DLGAP1: variants seen among roughly 807,000 people sequenced by gnomAD.
DLGAP1 encodes disks large-associated protein 1.
DLGAP1 carries 11 observed loss-of-function variants against 90.8 expected under a neutral mutation model. That is an observed-to-expected ratio of 0.12 (90% confidence interval 0.08 to 0.20). The LOEUF (loss-of-function observed/expected upper bound fraction) is 0.20, where lower values mean the gene tolerates loss of function less well. Ranked by LOEUF, DLGAP1 falls within the 10% of genes least tolerant of loss-of-function variation. The pLI, the probability that DLGAP1 is intolerant of heterozygous loss-of-function variation, is 1.00. For missense variants in DLGAP1, 1,050 were observed against 1,333.8 expected (o/e 0.79, Z 3.31); for synonymous variants, 558 against 540.7 (o/e 1.03, Z -0.44).
At chr18:3,557,819 C>G (rs889671996) in intron 9 of DLGAP1, among the ~76,000 whole-genome samples, 4 of 151,828 alleles carry the variant, frequency 2.6e-5, no homozygotes, top group Admixed American at 2.0e-4. Context: ...CACAGCTACT[C>G]GGAAGGCTGA....
chr18:3,567,360 T>C, intron 9 of DLGAP1, 130 bp downstream of exon 9: 1 of 726,974 alleles, frequency 1.4e-6, no homozygotes, highest in South Asian at 1.8e-5. Flanking sequence ...TTGATTCAAC[T>C]TCACCCTTTA....
chr18:4,178,489 A>C (rs1002650148), intron 1 of DLGAP1, among the ~76,000 whole-genome samples: 6 of 152,180 alleles, frequency 3.9e-5, no homozygotes, highest in Middle Eastern at 3.2e-3. Context: ...GTCAGACACT[A>C]AACCTTATTT....
chr18:3,946,874 T>C (rs1033108406), intron 3 of DLGAP1, among the ~76,000 whole-genome samples: 1 of 152,232 alleles, frequency 6.6e-6, no homozygotes, highest in East Asian at 1.9e-4. Context: ...TCTCATTTCA[T>C]TTAAACCTTG....
rs2049818549 is a variant in DLGAP1 at position 3,499,537 on chromosome 18, T to C, written c.2725-143A>G. ...TCTGCACACTGCATATCTACTTTTT[T>C]CTTCATTATTCTGGCTTGGGCATTC... On this transcript the variant is annotated intron_variant, in intron 12 of 12. Coordinates refer to ENST00000315677, the MANE Select transcript of DLGAP1 (RefSeq NM_004746.4). The surrounding 1 kb of genome is among the most constrained non-coding windows in gnomAD (Gnocchi z 6.4). 7.4e-6 allele frequency: 6 copies of C among 811,844 alleles called. No homozygotes were observed. The East Asian group carries it at 1.9e-4, about 25-fold the overall frequency. 50.3% of individuals were successfully genotyped at this position (811,844 alleles called of 1,614,324 possible).
At position 4,374,830 on chromosome 18, in the gene DLGAP1, G is replaced by GA. The variant is rs537415871; in HGVS notation, c.-267+80175dup. Among the ~76,000 whole-genome samples the GA allele has an allele frequency of 3.9e-5, 6 of 152,024 alleles. No homozygotes were observed. The East Asian group carries it at 9.7e-4, about 24-fold the overall frequency. ...TTCAACATTGACCATATTAGGGAGT[G>GA]AAAAAAATACTGTCCTAATGAAATA... On this transcript the variant is annotated intron_variant, in intron 1 of 12. Coordinates refer to ENST00000315677, the MANE Select transcript of DLGAP1 (RefSeq NM_004746.4).
chr18:3,551,927 C>T (rs959420575), intron 9 of DLGAP1, among the ~76,000 whole-genome samples: 17 of 150,570 alleles, frequency 1.1e-4, no homozygotes, highest in African/African-American at 3.7e-4. Flanking sequence ...TACAGGCAGC[C>T]GCCATCACAC....
chr18:3,520,252 T>C (rs1196381342), intron 10 of DLGAP1, among the ~76,000 whole-genome samples: 1 of 152,112 alleles, frequency 6.6e-6, no homozygotes, highest in Non-Finnish European at 1.5e-5. Context: ...CCCTGAGGCC[T>C]TGCTGTGTGA....
At chr18:3,892,675 A>T (rs1245520067) in intron 3 of DLGAP1, among the ~76,000 whole-genome samples, 2 of 152,128 alleles carry the variant, frequency 1.3e-5, no homozygotes, top group African/African-American at 4.8e-5. Flanking sequence ...TACATGTCGC[A>T]TATATAATGC....
At chr18:4,250,425 T>C (rs2078756811) in intron 1 of DLGAP1, among the ~76,000 whole-genome samples, 1 of 152,218 alleles carries the variant, frequency 6.6e-6, no homozygotes, top group Non-Finnish European at 1.5e-5. Flanking sequence ...ACTGTTCCTC[T>C]GTACCTGAGA....
intron 5 of DLGAP1, among the ~76,000 whole-genome samples, chr18:3,765,921 G>A (rs1010489058): frequency 1.3e-5 from 2 of 152,008 alleles, no homozygotes; most frequent in African/African-American, 2.4e-5. Context: ...ATTGGAAGGT[G>A]GGAAAAATAA....
At position 4,434,687 on chromosome 18, in the gene DLGAP1, T is replaced by C. The variant is rs2083362565; in HGVS notation, c.-267+20319A>G. Among the ~76,000 whole-genome samples the C allele has an allele frequency of 2.0e-5, 3 of 152,148 alleles. No homozygotes were observed. The South Asian group carries it at 6.2e-4, about 32-fold the overall frequency. ...GAGAAATCAGCAGGGTGACAAAATG[T>C]TGCAATACATTGTAAGGAGTACCCA... On this transcript the variant is annotated intron_variant, in intron 1 of 12. Transcript: ENST00000315677.
intron 3 of DLGAP1, chr18:3,896,867 C>T (rs1271156380): frequency 6.6e-6 from 1 of 152,296 alleles, no homozygotes; most frequent in African/African-American, 2.4e-5. Context: ...CCCCCTTCTC[C>T]CTTGAAGACC....
At chr18:4,094,940 T>C (rs2075652550) in intron 2 of DLGAP1, among the ~76,000 whole-genome samples, 1 of 152,210 alleles carries the variant, frequency 6.6e-6, no homozygotes, top group South Asian at 2.1e-4. Flanking sequence ...TAGACTTACC[T>C]TTCCTATCTT....
intron 2 of DLGAP1, among the ~76,000 whole-genome samples, chr18:4,142,824 C>G (rs2076517348): frequency 2.0e-5 from 3 of 152,088 alleles, no homozygotes; most frequent in Admixed American, 2.0e-4. Flanking sequence ...GGCGGTACCC[C>G]AAGCCCAGCA....
chr18:3,573,029 G>A (rs1054336830), intron 8 of DLGAP1, among the ~76,000 whole-genome samples: 2 of 151,974 alleles, frequency 1.3e-5, no homozygotes, highest in African/African-American at 4.8e-5. Flanking sequence ...TCATGCTGAT[G>A]AATCACAAAA....
intron 1 of DLGAP1, among the ~76,000 whole-genome samples, chr18:4,274,577 T>C (rs1250883982): frequency 6.6e-6 from 1 of 152,206 alleles, no homozygotes; most frequent in African/African-American, 2.4e-5. Context: ...GCTTTGATAT[T>C]ATAATCAGGC....
chr18:3,704,717 C>T (rs342487), intron 7 of DLGAP1, among the ~76,000 whole-genome samples: 15,587 of 152,004 alleles, frequency 0.1, 2,491 homozygotes, highest in African/African-American at 0.34. Flanking sequence ...GTGACTCATG[C>T]CTCTCCACTT....
rs1442617254 is a variant in DLGAP1 at position 4,379,353 on chromosome 18, C to T, written c.-267+75653G>A. On this transcript the variant is annotated intron_variant, in intron 1 of 12. Coordinates refer to ENST00000315677, the MANE Select transcript of DLGAP1 (RefSeq NM_004746.4). ...GTGTGTCTTCATTTTCTTTGGTTAT[C>T]CAGAATACTACTGCCATCTTTTAAT... Among the ~76,000 whole-genome samples the T allele has an allele frequency of 3.3e-5, 5 of 152,070 alleles. 1 individual carries two copies. In the South Asian group the frequency reaches 6.2e-4, roughly 19 times the overall value.
chr18:3,867,616 C>T lies in DLGAP1; in HGVS notation c.957+11496G>A, dbSNP rs568004600. On this transcript the variant is annotated intron_variant, in intron 4 of 12. Transcript: ENST00000315677. Reference sequence around the variant, plus strand: ...GGAGTGTCATGCCCCACTCTGGGGGCTCTGTGATGTGGACCATGGGTGGGG... The same window carrying T: ...GGAGTGTCATGCCCCACTCTGGGGGTTCTGTGATGTGGACCATGGGTGGGG... Among the ~76,000 whole-genome samples, 14 of 152,140 alleles carry T rather than the reference C, an allele frequency of 9.2e-5. No homozygotes were observed. The South Asian group carries it at 2.9e-3, about 32-fold the overall frequency.
Sources: allele counts gnomAD v4.1 joint callset (sites outside exome capture counted in the v4.1 genomes callset), GRCh38; gene constraint gnomAD v4.1.1; non-coding constraint Gnocchi (gnomAD v3.1); transcripts MANE v1.5; gene names NCBI Gene and HGNC (gene_info 2026-07-23, HGNC 2026-07-21).